The following OR5AS1 variants were observed in gnomAD, a reference collection of about 807,000 sequenced individuals.
The protein encoded by OR5AS1 is olfactory receptor 5AS1.
For missense variants in OR5AS1, 492 were observed against 378.2 expected, an observed-to-expected ratio of 1.30 and a Z score of -2.50; for synonymous variants, 196 against 141.7, an observed-to-expected ratio of 1.38 and a Z score of -2.72.
rs1344861676 is a variant in OR5AS1 at position 56,032,458 on chromosome 11, T to G, written c.*1065T>G. On this transcript the variant is annotated 3_prime_UTR_variant, in exon 2 of 2. Transcript: ENST00000641320. ...TTCTGATCTTTCAGTCTGAAGTCTC[T>G]ATTTACTTTTTGTCTTATTTTGACA... 1 of 152,172 alleles carries G rather than the reference T, an allele frequency of 6.6e-6. No individual in the cohort carries two copies. Among genetic ancestry groups the G allele is most frequent in the Admixed American group, 6.5e-5 (1 of 15,286 alleles). The allele number at this position is 152,172 out of a possible 1,614,324, so 9.4% of individuals were successfully genotyped here.
chr11:56,032,330 A>G lies in OR5AS1; in HGVS notation c.*937A>G, dbSNP rs1269155364. On this transcript the variant is annotated 3_prime_UTR_variant, in exon 2 of 2. Coordinates refer to ENST00000641320, the MANE Select transcript of OR5AS1 (RefSeq NM_001001921.2). Reference sequence around the variant, plus strand: ...TCAAGAAGAGGTGAAAATTACACTGATCTTTTATTCTGTAAATTTACAATG... The same window carrying G: ...TCAAGAAGAGGTGAAAATTACACTGGTCTTTTATTCTGTAAATTTACAATG... The G allele has an allele frequency of 1.3e-5, 2 of 152,126 alleles. No individual in the cohort carries two copies. Among genetic ancestry groups the G allele is most frequent in the Non-Finnish European group, 2.9e-5 (2 of 68,032 alleles). 9.4% of individuals were successfully genotyped at this position (152,126 alleles called of 1,614,324 possible). A position where few individuals can be genotyped will look rare whatever the true frequency, so the allele number is the denominator to read the frequency against.
intron 1 of OR5AS1, among the ~76,000 whole-genome samples, chr11:56,030,134 A>G (rs1853332103): frequency 6.6e-6 from 1 of 152,116 alleles, no homozygotes; most frequent in Non-Finnish European, 1.5e-5. Context: ...AACTATTATC[A>G]TCACATAAAG....
In OR5AS1 at chr11:56,030,690, G is replaced by T. The variant is rs201121098; in HGVS notation, c.272G>T (p.Ser91Ile). 221 of 1,596,472 alleles carry T rather than the reference G, an allele frequency of 1.4e-4. 2 individuals carry two copies. In the South Asian group the frequency reaches 2.3e-3, roughly 16 times the overall value. Residue 91 changes from serine to isoleucine, a missense_variant, in exon 2 of 2, where the codon AGC becomes ATC. Physicochemically the swap from Ser to Ile is moderately radical, Grantham distance 142. Coordinates refer to ENST00000641320, the MANE Select transcript of OR5AS1 (RefSeq NM_001001921.2). ...GCAAACTTCTTGGCATCCAGGAAAA[G>T]CATCTCTCCTTATGGGTGTGCACTA... The part of the protein sequence containing the change: ...MLANFLASRK[S>I]ISPYGCALQM...
Position 56,034,797 on chromosome 11 carries a change from A to C in OR5AS1, c.*3404A>C, listed in dbSNP as rs973018895. 1 of 152,124 alleles carries C rather than the reference A, an allele frequency of 6.6e-6. No homozygotes were observed. The highest frequency in any genetic ancestry group is 6.5e-5 in the Admixed American group (1 of 15,286). 9.4% of individuals were successfully genotyped at this position (152,124 alleles called of 1,614,324 possible). On this transcript the variant is annotated 3_prime_UTR_variant, in exon 2 of 2. Coordinates refer to ENST00000641320, the MANE Select transcript of OR5AS1 (RefSeq NM_001001921.2). ...ATACACCTCAAGAAGAGCAACCCCC[A>C]GACACATAATCATCAGATTCACCAA... is the stretch of plus-strand genomic sequence containing the variant.
chr11:56,036,649 C>G lies in OR5AS1; in HGVS notation c.*5256C>G, dbSNP rs868088514. 2.6e-5 allele frequency: 4 copies of G among 151,984 alleles called. No homozygotes were observed. The South Asian group carries it at 8.3e-4, about 32-fold the overall frequency. 9.4% of individuals were successfully genotyped at this position (151,984 alleles called of 1,614,324 possible). ...ATTGAGGCAGTAATTAATAGCCTACCAACAAAAAATAGTCCAGGACCAGCC... is the reference window on the plus strand; with the variant it reads ...ATTGAGGCAGTAATTAATAGCCTACGAACAAAAAATAGTCCAGGACCAGCC... On this transcript the variant is annotated 3_prime_UTR_variant, in exon 2 of 2. Coordinates refer to ENST00000641320, the MANE Select transcript of OR5AS1 (RefSeq NM_001001921.2).
Position 56,030,726 on chromosome 11 carries a change from T to C in OR5AS1, c.308T>C (p.Phe103Ser), listed in dbSNP as rs1340981603. 10 of 1,611,908 alleles carry C rather than the reference T, an allele frequency of 6.2e-6. No individual in the cohort carries two copies. The Admixed American group carries it at 8.4e-5, about 13-fold the overall frequency. The change falls in exon 2 of 2, where the codon TTC becomes TCC. Residue 103 changes from phenylalanine to serine, a missense_variant. Physicochemically the swap from Phe to Ser is radical, Grantham distance 155. Transcript: ENST00000641320. The stretch of plus-strand genomic sequence containing the variant: ...TATGGGTGTGCACTACAAATGTTTT[T>C]CTTCGCTTCTTTTGCTGATGCTGAG... The part of the protein sequence containing the change: ...SPYGCALQMF[F>S]FASFADAECL...
At chr11:56,029,590 G>T (rs1853327391) in intron 1 of OR5AS1, among the ~76,000 whole-genome samples, 1 of 151,598 alleles carries the variant, frequency 6.6e-6, no homozygotes, top group Non-Finnish European at 1.5e-5. Context: ...ATGCATCTAT[G>T]ATGTCAAAGA....
rs1199030590 is a variant in OR5AS1, at chr11:56,033,580, C to T, written c.*2187C>T. The T allele has an allele frequency of 2.0e-5, 3 of 152,368 alleles. No homozygotes were observed. Among genetic ancestry groups the T allele is most frequent in the South Asian group, 2.1e-4 (1 of 4,842 alleles). 9.4% of individuals were successfully genotyped at this position (152,368 alleles called of 1,614,324 possible). On this transcript the variant is annotated 3_prime_UTR_variant, in exon 2 of 2. Transcript: ENST00000641320. Reference sequence around the variant, plus strand: ...GTAGCCAGACTGCCTCTCTAGATTCCTCCTCTCTGGGCAGGGGATCTCTAA... The same window carrying T: ...GTAGCCAGACTGCCTCTCTAGATTCTTCCTCTCTGGGCAGGGGATCTCTAA...
intron 1 of OR5AS1, among the ~76,000 whole-genome samples, 191 bp downstream of exon 1, chr11:56,027,903 A>C (rs1396167217): frequency 6.6e-6 from 1 of 150,822 alleles, no homozygotes; most frequent in Non-Finnish European, 1.5e-5. Context: ...ACCTAAGCTT[A>C]CCTTATCCAT....
chr11:56,034,894 G>A lies in OR5AS1; in HGVS notation c.*3501G>A, dbSNP rs1317408014. ...AGAAAGCTCACATTACCCACAAAGGGAAGCCCATCAGACTAACAGCGGCTG... is the reference window on the plus strand; with the variant it reads ...AGAAAGCTCACATTACCCACAAAGGAAAGCCCATCAGACTAACAGCGGCTG... On this transcript the variant is annotated 3_prime_UTR_variant, in exon 2 of 2. Coordinates refer to ENST00000641320, the MANE Select transcript of OR5AS1 (RefSeq NM_001001921.2). 6.6e-6 allele frequency: 1 copy of A among 152,160 alleles called. No individual in the cohort carries two copies. Among genetic ancestry groups the A allele is most frequent in the East Asian group, 1.9e-4 (1 of 5,194 alleles). The allele number at this position is 152,160 out of a possible 1,614,324, so 9.4% of individuals were successfully genotyped here.
rs2134700234 is a variant in OR5AS1 at position 56,035,805 on chromosome 11, C to T, written c.*4412C>T. The T allele has an allele frequency of 6.6e-6, 1 of 152,186 alleles. No homozygotes were observed. The highest frequency in any genetic ancestry group is 3.4e-3 in the Middle Eastern group (1 of 294). The allele number at this position is 152,186 out of a possible 1,614,324, so 9.4% of individuals were successfully genotyped here. On this transcript the variant is annotated 3_prime_UTR_variant, in exon 2 of 2. Coordinates refer to ENST00000641320, the MANE Select transcript of OR5AS1 (RefSeq NM_001001921.2). ...GCAGACCTAATAGACCTCTACAGAA[C>T]TCTACACCCCAAATCAATAGAATAT...
Position 56,031,686 on chromosome 11 carries a change from C to T in OR5AS1, c.*293C>T, listed in dbSNP as rs528890589. ...AATATTGACTTTTCAGTCAATCAAT[C>T]GGTATTAGAAGCTACTTGGCAGCAG... On this transcript the variant is annotated 3_prime_UTR_variant, in exon 2 of 2. Coordinates refer to ENST00000641320, the MANE Select transcript of OR5AS1 (RefSeq NM_001001921.2). 2 of 220,998 alleles carry T rather than the reference C, an allele frequency of 9.0e-6. No homozygotes were observed. The highest frequency in any genetic ancestry group is 1.1e-4 in the East Asian group (1 of 9,394). 13.7% of individuals were successfully genotyped at this position (220,998 alleles called of 1,614,324 possible).
chr11:56,029,971 A>G (rs904455706), intron 1 of OR5AS1, among the ~76,000 whole-genome samples: 1 of 152,094 alleles, frequency 6.6e-6, no homozygotes, highest in Non-Finnish European at 1.5e-5. Flanking sequence ...AAATATGGAC[A>G]TTCTTTCATA....
chr11:56,031,158 C>T lies in OR5AS1; in HGVS notation c.740C>T (p.Ala247Val). ...TFSTCASHLI[A>V]VTLFYGALLF... ...TCCACTTGTGCTTCCCACCTCATAGCAGTCACCTTATTCTATGGAGCGCTC... is the reference window on the plus strand; with the variant it reads ...TCCACTTGTGCTTCCCACCTCATAGTAGTCACCTTATTCTATGGAGCGCTC... Residue 247 changes from alanine (A) to valine (V), a missense_variant, in exon 2 of 2, where the codon GCA becomes GTA. Coordinates refer to ENST00000641320, the MANE Select transcript of OR5AS1 (RefSeq NM_001001921.2). 3.7e-6 allele frequency: 6 copies of T among 1,614,088 alleles called. No individual in the cohort carries two copies. Among genetic ancestry groups the T allele is most frequent in the Non-Finnish European group, 5.1e-6 (6 of 1,180,002 alleles).
At chr11:56,027,822 TG>T (rs1853311180) in intron 1 of OR5AS1, 110 bp downstream of exon 1, 1 of 151,478 alleles carries the variant, frequency 6.6e-6, no homozygotes, top group Non-Finnish European at 1.5e-5. Flanking sequence ...TGTGTGTGTG[TG>T]TGTGTGTGGT....
In OR5AS1 at chr11:56,033,127, C is replaced by G. The variant is rs1307802903; in HGVS notation, c.*1734C>G. The G allele has an allele frequency of 6.6e-6, 1 of 152,450 alleles. No homozygotes were observed. The highest frequency in any genetic ancestry group is 1.5e-5 in the Non-Finnish European group (1 of 68,280). The allele number at this position is 152,450 out of a possible 1,614,324, so 9.4% of individuals were successfully genotyped here. ...TATGCTTTTCCCATCGTCTTCACAA[C>G]ACACGGACCAGGAGATTCCCTTGGG... On this transcript the variant is annotated 3_prime_UTR_variant, in exon 2 of 2. Coordinates refer to ENST00000641320, the MANE Select transcript of OR5AS1 (RefSeq NM_001001921.2).
rs1853388832 is a variant in OR5AS1, at chr11:56,034,887, A to G, written c.*3494A>G. 1 of 152,152 alleles carries G rather than the reference A, an allele frequency of 6.6e-6. No homozygotes were observed. The highest frequency in any genetic ancestry group is 1.5e-5 in the Non-Finnish European group (1 of 68,040). 9.4% of individuals were successfully genotyped at this position (152,152 alleles called of 1,614,324 possible). On this transcript the variant is annotated 3_prime_UTR_variant, in exon 2 of 2. Transcript: ENST00000641320. Reference sequence around the variant, plus strand: ...GCCAGAGAGAAAGCTCACATTACCCACAAAGGGAAGCCCATCAGACTAACA... The same window carrying G: ...GCCAGAGAGAAAGCTCACATTACCCGCAAAGGGAAGCCCATCAGACTAACA...
chr11:56,034,831 T>C lies in OR5AS1; in HGVS notation c.*3438T>C, dbSNP rs575962717. On this transcript the variant is annotated 3_prime_UTR_variant, in exon 2 of 2. Transcript: ENST00000641320. ...ATCATCAGATTCACCAAGGTGGAAA[T>C]GAAGGAAAAAATGTTAAGGTGTTAA... The C allele has an allele frequency of 3.3e-5, 5 of 151,484 alleles. No individual in the cohort carries two copies. The South Asian group carries it at 1.0e-3, about 32-fold the overall frequency. The allele number at this position is 151,484 out of a possible 1,614,324, so 9.4% of individuals were successfully genotyped here.
chr11:56,029,992 A>T (rs1250280088), intron 1 of OR5AS1, among the ~76,000 whole-genome samples: 1 of 151,978 alleles, frequency 6.6e-6, no homozygotes, highest in African/African-American at 2.4e-5. Context: ...TTTTATCTCA[A>T]CTCTCCTTTA....
Sources: allele counts gnomAD v4.1 joint callset (sites outside exome capture counted in the v4.1 genomes callset), GRCh38; gene constraint gnomAD v4.1.1; transcripts MANE v1.5; gene names NCBI Gene and HGNC (gene_info 2026-07-23, HGNC 2026-07-21).